The following TANC2 variants were observed in gnomAD, a reference collection of about 807,000 sequenced individuals.
TANC2 encodes protein TANC2.
Under a neutral mutation model 210.5 loss-of-function variants are expected in TANC2, and 26 were observed. The ratio of observed to expected loss-of-function variants is 0.12; its 90% CI spans 0.09 to 0.17. The LOEUF (loss-of-function observed/expected upper bound fraction) is 0.17, where lower values mean the gene tolerates loss of function less well. Among genes scored for constraint, TANC2 ranks in the 10% least tolerant of loss-of-function variants. The probability of loss-of-function intolerance (pLI) is 1.00; values close to 1 mark genes in which losing one functional copy is unlikely to be tolerated. For synonymous variants in TANC2, 931 were observed against 967.1 expected (o/e 0.96, Z 0.69); for missense variants, 2,129 against 2,608.9 (o/e 0.82, Z 4.01).
chr17:63,286,118 A>T (rs2044212954), intron 9 of TANC2, among the ~76,000 whole-genome samples: 1 of 152,210 alleles, frequency 6.6e-6, no homozygotes, highest in African/African-American at 2.4e-5. Context: ...ACAATACAGC[A>T]GTTAGTTATC....
chr17:63,342,295 TG>T (rs2046256098), intron 12 of TANC2, among the ~76,000 whole-genome samples: 1 of 152,172 alleles, frequency 6.6e-6, no homozygotes, highest in South Asian at 2.1e-4. Flanking sequence ...GAATTACTTT[TG>T]TACTTATCCC....
intron 1 of TANC2, among the ~76,000 whole-genome samples, chr17:62,968,745 T>C (rs909812199): frequency 6.6e-6 from 1 of 152,226 alleles, no homozygotes; most frequent in African/African-American, 2.4e-5. Flanking sequence ...TAGAGTATTA[T>C]GTAGATCTGT....
chr17:63,364,843 A>G (rs556378188), intron 14 of TANC2, among the ~76,000 whole-genome samples: 4 of 152,280 alleles, frequency 2.6e-5, no homozygotes, highest in East Asian at 1.9e-4. Flanking sequence ...GGAGACTTAC[A>G]TCTATATTGT....
chr17:63,324,012 AGT>A (rs1381784371), intron 11 of TANC2, among the ~76,000 whole-genome samples: 1 of 152,208 alleles, frequency 6.6e-6, no homozygotes. Flanking sequence ...AATTTAGTTT[AGT>A]GTTATTTCGA....
intron 1 of TANC2, among the ~76,000 whole-genome samples, chr17:63,003,858 C>G (rs1232627887): frequency 6.6e-6 from 1 of 151,806 alleles, no homozygotes; most frequent in Non-Finnish European, 1.5e-5. Flanking sequence ...AATCCTTTGT[C>G]TACCTGTAAA....
At chr17:63,342,944 T>G (rs1490461866) in intron 12 of TANC2, among the ~76,000 whole-genome samples, 1 of 152,198 alleles carries the variant, frequency 6.6e-6, no homozygotes, top group African/African-American at 2.4e-5. Context: ...ATTACTTCAT[T>G]TTATTTCCAT....
chr17:63,354,755 G>A, intron 13 of TANC2, 28 bp from the exon 14 acceptor site: 2 of 1,530,674 alleles, frequency 1.3e-6, no homozygotes, highest in Middle Eastern at 3.5e-4. Flanking sequence ...AGGTCTTTCT[G>A]TCTCTTTCTC....
chr17:63,133,351 C>T (rs1239451542), intron 4 of TANC2, among the ~76,000 whole-genome samples: 3 of 152,240 alleles, frequency 2.0e-5, no homozygotes, highest in East Asian at 3.9e-4. Context: ...GTGATCCACC[C>T]GCCTCTGCCT....
chr17:63,329,224 TA>T (rs1380789231), intron 11 of TANC2, among the ~76,000 whole-genome samples: 3 of 152,022 alleles, frequency 2.0e-5, no homozygotes, highest in African/African-American at 7.3e-5. Flanking sequence ...TAAGAAAAAT[TA>T]TAGCATATAC....
At chr17:63,240,623 C>T (rs921967578) in intron 8 of TANC2, among the ~76,000 whole-genome samples, 5 of 152,076 alleles carry the variant, frequency 3.3e-5, no homozygotes, top group African/African-American at 1.2e-4. Context: ...ACTGAACAGA[C>T]TATGGGAAGA....
At position 63,194,152 on chromosome 17, in the gene TANC2, C is replaced by T; in HGVS notation, c.582+13C>T. The T allele has an allele frequency of 6.2e-7, 1 of 1,608,910 alleles. No individual in the cohort carries two copies. The highest frequency in any genetic ancestry group is 8.5e-7 in the Non-Finnish European group (1 of 1,177,470). On this transcript the variant is annotated intron_variant, in intron 6 of 27. Coordinates refer to ENST00000689528, the Ensembl canonical transcript of TANC2. ...GGATGAAAATCAGGTAAGCTGTTTG[C>T]TATCACCTTTGTGAAACATGGTGTG...
At chr17:63,206,687 T>A (rs1437347760) in intron 7 of TANC2, among the ~76,000 whole-genome samples, 1 of 152,072 alleles carries the variant, frequency 6.6e-6, no homozygotes, top group African/African-American at 2.4e-5. Context: ...TAGAGAGTAC[T>A]GAGTGGGGCT....
At chr17:63,055,524 TTATGA>T (rs1178393202) in intron 2 of TANC2, among the ~76,000 whole-genome samples, 1 of 152,126 alleles carries the variant, frequency 6.6e-6, no homozygotes, top group African/African-American at 2.4e-5. Flanking sequence ...TTTGTAAAGT[TTATGA>T]TATATTTGAA....
At chr17:63,425,130 C>T (rs564693237) in exon 28 of TANC2, 4 of 152,254 alleles carry the variant, frequency 2.6e-5, no homozygotes, top group Admixed American at 1.3e-4. Context: ...GTCCGGGTTG[C>T]AGACGTGCAC....
intron 25 of TANC2, among the ~76,000 whole-genome samples, 194 bp downstream of exon 25, chr17:63,413,828 G>T (rs1019674155): frequency 6.6e-6 from 1 of 152,134 alleles, no homozygotes; most frequent in African/African-American, 2.4e-5. Flanking sequence ...GCCTATAGTT[G>T]CCTGCAGCTG....
chr17:63,144,224 TGCC>T (rs2039388665), intron 4 of TANC2, among the ~76,000 whole-genome samples: 1 of 152,194 alleles, frequency 6.6e-6, no homozygotes, highest in Non-Finnish European at 1.5e-5. Context: ...TATGTAATGT[TGCC>T]TTTTTGCTTA....
At chr17:63,077,147 G>A (rs2036598817) in intron 3 of TANC2, among the ~76,000 whole-genome samples, 1 of 152,068 alleles carries the variant, frequency 6.6e-6, no homozygotes, top group Non-Finnish European at 1.5e-5. Context: ...CTTCTGGGGG[G>A]TGGGAGGGAA....
chr17:63,096,097 CTTTG>C (rs767035150), intron 3 of TANC2, among the ~76,000 whole-genome samples: 2 of 151,966 alleles, frequency 1.3e-5, no homozygotes, highest in Non-Finnish European at 2.9e-5. Context: ...TGGCATGCCT[CTTTG>C]TTTATGTAAC....
Position 63,233,422 on chromosome 17 carries a change from G to A in TANC2, c.770-4392G>A, listed in dbSNP as rs1192696331. Among the ~76,000 whole-genome samples, 4 of 152,338 alleles carry A rather than the reference G, an allele frequency of 2.6e-5. No homozygotes were observed. In the East Asian group the frequency reaches 5.8e-4, roughly 22 times the overall value. On this transcript the variant is annotated intron_variant, in intron 7 of 27. Transcript: ENST00000689528. The stretch of plus-strand genomic sequence containing the variant: ...AAAACCGTGGATCGTGGATTCTTGG[G>A]CAGGGTAACACAATCACTCACTACC...
Sources: allele counts gnomAD v4.1 joint callset (sites outside exome capture counted in the v4.1 genomes callset), GRCh38; gene constraint gnomAD v4.1.1; transcripts MANE v1.5; gene names NCBI Gene and HGNC (gene_info 2026-07-23, HGNC 2026-07-21).